The following VWA3B variants were observed in gnomAD, a reference collection of about 807,000 sequenced individuals.
The protein encoded by VWA3B is von Willebrand factor A domain containing 3B.
In VWA3B, 138 loss-of-function variants were observed where a neutral mutation model predicts 158.3. The ratio of observed to expected loss-of-function variants is 0.87; its 90% confidence interval spans 0.76 to 1.00. The LOEUF (loss-of-function observed/expected upper bound fraction) is 1.00, where lower values mean the gene tolerates loss of function less well. Among genes scored for constraint, VWA3B ranks in the 50% least tolerant of loss-of-function variants. VWA3B has a pLI of 0.00. For synonymous variants in VWA3B, 596 were observed against 587.3 expected (o/e 1.01, Z -0.21); for missense variants, 1,555 against 1,565.1 (o/e 0.99, Z 0.11).
chr2:98,159,100 A>C (rs997682792), intron 7 of VWA3B, among the ~76,000 whole-genome samples: 2 of 151,994 alleles, frequency 1.3e-5, no homozygotes, highest in Non-Finnish European at 2.9e-5. Context: ...TGACATCAAA[A>C]CTTCCTGTCC....
chr2:98,256,745 A>G (rs1687178490), intron 21 of VWA3B, among the ~76,000 whole-genome samples: 1 of 152,180 alleles, frequency 6.6e-6, no homozygotes, highest in South Asian at 2.1e-4. Context: ...TCTATGCTTA[A>G]CTTTTTGAGG....
chr2:98,181,123 G>A lies in VWA3B; in HGVS notation c.1222G>A (p.Asp408Asn). ...GAAGGCCCAGAAGCTATCCTTGTATGATGTGCTTGCCGACTGCTCTTTCCG... is the reference window on the plus strand; with the variant it reads ...GAAGGCCCAGAAGCTATCCTTGTATAATGTGCTTGCCGACTGCTCTTTCCG... ...GLKAQKLSLY[D>N]VLADCSFRHA... is the part of the protein sequence containing the mutation. Residue 408 changes from aspartate (D) to asparagine (N), a missense_variant, in exon 9 of 28, where the codon GAT becomes AAT. Asp to Asn is a conservative substitution (Grantham distance 23, BLOSUM62 1). Coordinates refer to ENST00000477737, the MANE Select transcript of VWA3B (RefSeq NM_144992.5). 5 of 1,614,246 alleles carry A rather than the reference G, an allele frequency of 3.1e-6. No homozygotes were observed. The highest frequency in any genetic ancestry group is 4.2e-6 in the Non-Finnish European group (5 of 1,180,044).
chr2:98,327,370 T>C, the VWA3B span, among the ~76,000 whole-genome samples: 2 of 152,132 alleles, frequency 1.3e-5, no homozygotes, highest in South Asian at 4.1e-4. Context: ...ATTTCTCAAC[T>C]CGTTTTATGA....
At chr2:98,251,173 C>T (rs1465573609) in intron 20 of VWA3B, among the ~76,000 whole-genome samples, 1 of 152,124 alleles carries the variant, frequency 6.6e-6, no homozygotes, top group East Asian at 1.9e-4. Context: ...CTAGGCACTG[C>T]ATCAAGTACT....
At chr2:98,236,910 G>T (rs13013876) in intron 19 of VWA3B, 180 bp downstream of exon 19, 513,176 of 828,656 alleles carry the variant, frequency 0.62, 161,481 homozygotes, top group South Asian at 0.83. Flanking sequence ...GCGCGGTGGC[G>T]CATGCCTGTA....
intron 21 of VWA3B, among the ~76,000 whole-genome samples, chr2:98,258,408 TG>T (rs1687284722): frequency 6.6e-6 from 1 of 151,886 alleles, no homozygotes; most frequent in African/African-American, 2.4e-5. Context: ...TTGGAATTTT[TG>T]TAGGGATTAT....
intron 21 of VWA3B, among the ~76,000 whole-genome samples, chr2:98,265,719 T>C (rs1181567717): frequency 2.7e-5 from 4 of 150,258 alleles, no homozygotes; most frequent in Admixed American, 6.6e-5. Flanking sequence ...TTTCCTGACT[T>C]TTTAATGATT....
intron 7 of VWA3B, among the ~76,000 whole-genome samples, chr2:98,141,467 G>C (rs55988025): frequency 2.0e-5 from 3 of 152,082 alleles, no homozygotes; most frequent in African/African-American, 4.8e-5. Flanking sequence ...GGAGGACTCA[G>C]ACTCTTCTTA....
chr2:98,126,343 G>A (rs1364421682), intron 5 of VWA3B, among the ~76,000 whole-genome samples: 2 of 152,150 alleles, frequency 1.3e-5, no homozygotes, highest in Non-Finnish European at 2.9e-5. Context: ...AGACCACCTC[G>A]AGATGTGTGT....
At chr2:98,300,924 A>T (rs1690138146) in intron 25 of VWA3B, among the ~76,000 whole-genome samples, 4 of 152,240 alleles carry the variant, frequency 2.6e-5, no homozygotes, top group Admixed American at 2.0e-4. Flanking sequence ...GAGTTGGCAG[A>T]AGTTGGGAGA....
chr2:98,218,201 C>CCACCTGAGCTAGGG (rs1169580298), intron 14 of VWA3B, among the ~76,000 whole-genome samples, 173 bp downstream of exon 14: 8 of 152,124 alleles, frequency 5.3e-5, no homozygotes, highest in Non-Finnish European at 8.8e-5. Context: ...AGCCCAAGGA[C>CCACCTGAGCTAGGG]CACCTGAGCT....
intron 25 of VWA3B, among the ~76,000 whole-genome samples, chr2:98,301,391 C>G (rs1044949951): frequency 3.3e-5 from 5 of 151,646 alleles, no homozygotes; most frequent in Non-Finnish European, 7.4e-5. Flanking sequence ...GGTTGCTTCA[C>G]CCCCTGAGAC....
At chr2:98,113,399 A>G (rs1674295813) in intron 2 of VWA3B, among the ~76,000 whole-genome samples, 1 of 152,120 alleles carries the variant, frequency 6.6e-6, no homozygotes, top group African/African-American at 2.4e-5. Context: ...AGTGGGTTTC[A>G]CATTCCACTG....
Position 98,256,189 on chromosome 2 carries a change from T to TCCCTC in VWA3B, c.2843+17_2843+21dup, listed in dbSNP as rs776332637. On this transcript the variant is annotated intron_variant, in intron 21 of 27. Coordinates refer to ENST00000477737, the MANE Select transcript of VWA3B (RefSeq NM_144992.5). ...GAAAAAGAAAAGTAAGCCATTCCAT[T>TCCCTC]CCCTCCTCACTTTTTTTTTTTGGTG... 5.8e-6 allele frequency: 9 copies of TCCCTC among 1,558,236 alleles called. No homozygotes were observed. The Admixed American group carries it at 1.6e-4, about 28-fold the overall frequency.
chr2:98,096,925 G>A (rs761957181), intron 2 of VWA3B, among the ~76,000 whole-genome samples: 1 of 151,936 alleles, frequency 6.6e-6, no homozygotes, highest in Non-Finnish European at 1.5e-5. Flanking sequence ...GATCGCTAAG[G>A]TAAGGTAAAA....
chr2:98,183,644 T>C (rs1680774119), intron 9 of VWA3B, among the ~76,000 whole-genome samples: 3 of 152,330 alleles, frequency 2.0e-5, no homozygotes, highest in South Asian at 4.1e-4. Flanking sequence ...CCCATTCTTG[T>C]CTCTTTGTCT....
At position 98,125,235 on chromosome 2, in the gene VWA3B, G is replaced by C. The variant is rs779545809; in HGVS notation, c.703-3004G>C. Among the ~76,000 whole-genome samples the C allele has an allele frequency of 1.6e-4, 25 of 152,212 alleles. No homozygotes were observed. Among genetic ancestry groups the C allele is most frequent in the Non-Finnish European group, 3.1e-4 (21 of 68,040 alleles). ...AGTGATGTTGGTATCTGGGGTAGGA[G>C]CCTGAACCCTTGGATGGTGGGGTAA... On this transcript the variant is annotated intron_variant, in intron 5 of 27. Coordinates refer to ENST00000477737, the MANE Select transcript of VWA3B (RefSeq NM_144992.5). This position sits in a 1 kb window ranked among gnomAD's most constrained non-coding sequence, Gnocchi z 4.1.
intron 7 of VWA3B, among the ~76,000 whole-genome samples, chr2:98,157,792 G>T (rs1678213819): frequency 6.6e-6 from 1 of 151,684 alleles, no homozygotes; most frequent in Non-Finnish European, 1.5e-5. Context: ...CACAAACAAT[G>T]AGCCACAGTA....
rs961619527 is a variant in VWA3B at position 98,181,305 on chromosome 2, C to G, written c.1311+93C>G. 9.6e-5 allele frequency: 133 copies of G among 1,379,902 alleles called. 1 individual carries two copies. The African/African-American group carries it at 1.7e-3, about 17-fold the overall frequency. The allele number at this position is 1,379,902 out of a possible 1,614,324, so 85.5% of individuals were successfully genotyped here. A position where few individuals can be genotyped will look rare whatever the true frequency, so the allele number is the denominator to read the frequency against. The stretch of plus-strand genomic sequence containing the variant: ...TCGGGTCAGAAGGCAGGGGAAGGGG[C>G]AGCAGGGAGAGAAACCAGCTTGGGT... On this transcript the variant is annotated intron_variant, in intron 9 of 27. Transcript: ENST00000477737.
Sources: allele counts gnomAD v4.1 joint callset (sites outside exome capture counted in the v4.1 genomes callset), GRCh38; gene constraint gnomAD v4.1.1; non-coding constraint Gnocchi (gnomAD v3.1); transcripts MANE v1.5; gene names NCBI Gene and HGNC (gene_info 2026-07-23, HGNC 2026-07-21).